TULP4: variants seen among roughly 807,000 people sequenced by gnomAD.
TULP4 encodes the protein TUB like protein 4, also known as tubby-related protein 4.
Under a neutral mutation model 129.0 loss-of-function variants are expected in TULP4, and 16 were observed. The ratio of observed to expected loss-of-function variants is 0.12; its 90% CI spans 0.08 to 0.19. The LOEUF is 0.19. Ranked by LOEUF, TULP4 falls within the 10% of genes least tolerant of loss-of-function variation. The pLI is 1.00. For synonymous variants in TULP4, 998 were observed against 854.0 expected (o/e 1.17, Z -2.94); for missense variants, 1,842 against 2,059.1 (o/e 0.89, Z 2.04).
At chr6:158,447,199 T>C (rs705954) in intron 3 of TULP4, among the ~76,000 whole-genome samples, 94,949 of 152,086 alleles carry the variant, frequency 0.62, 30,427 homozygotes, top group African/African-American at 0.77. Flanking sequence ...TCTTCCAGGA[T>C]TTCAGCAGGT....
chr6:158,470,519 CTAAT>C, intron 6 of TULP4, among the ~76,000 whole-genome samples: 2 of 152,316 alleles, frequency 1.3e-5, no homozygotes. Context: ...AATGAGCTCT[CTAAT>C]TGGTTGGGTG....
Position 158,511,089 on chromosome 6 carries a change from G to A in TULP4, c.*4395G>A, listed in dbSNP as rs1780729794. On this transcript the variant is annotated 3_prime_UTR_variant, in exon 14 of 14. Coordinates refer to ENST00000367097, the MANE Select transcript of TULP4 (RefSeq NM_020245.5). ...GCTGATAAAACTCTAATGGGTTGTG[G>A]CTTACTTTGTTTCCATTTTCTTTGG... 6.6e-6 allele frequency: 1 copy of A among 152,558 alleles called. No individual in the cohort carries two copies. The allele number at this position is 152,558 out of a possible 1,614,324, so 9.5% of individuals were successfully genotyped here.
intron 8 of TULP4, among the ~76,000 whole-genome samples, chr6:158,486,873 G>T (rs1023856189): frequency 6.6e-6 from 1 of 152,172 alleles, no homozygotes; most frequent in African/African-American, 2.4e-5. Flanking sequence ...CACTTTGGGA[G>T]GCCAAGGCGG....
intron 6 of TULP4, among the ~76,000 whole-genome samples, chr6:158,468,773 G>GGCGCTGA (rs1779609511): frequency 6.6e-6 from 1 of 152,180 alleles, no homozygotes; most frequent in African/African-American, 2.4e-5. Flanking sequence ...CCAAGATCCA[G>GGCGCTGA]GCACTGATAG....
chr6:158,293,528 T>A (rs946261486), intron 1 of TULP4, among the ~76,000 whole-genome samples: 1 of 152,204 alleles, frequency 6.6e-6, no homozygotes, highest in Non-Finnish European at 1.5e-5. Flanking sequence ...ATTAATTAAA[T>A]AAAAAATTAC....
At chr6:158,320,797 A>G (rs951933775) in intron 1 of TULP4, among the ~76,000 whole-genome samples, 1 of 152,144 alleles carries the variant, frequency 6.6e-6, no homozygotes, top group African/African-American at 2.4e-5. Context: ...TCGTTTTGTT[A>G]TAAGGACACG....
In TULP4 at chr6:158,344,060, A is replaced by G. The variant is rs529831176; in HGVS notation, c.252+29792A>G. 2.6e-5 allele frequency among the ~76,000 whole-genome samples: 4 copies of G among 152,200 alleles called. No individual in the cohort carries two copies. In the East Asian group the frequency reaches 7.7e-4, roughly 29 times the overall value. Reference sequence around the variant, plus strand: ...CCCTAACTGATCAATGTACTTTGTAATCTCCCCCACCCTTAAGAAGTTTCT... The same window carrying G: ...CCCTAACTGATCAATGTACTTTGTAGTCTCCCCCACCCTTAAGAAGTTTCT... On this transcript the variant is annotated intron_variant, in intron 1 of 13. Transcript: ENST00000367097.
chr6:158,291,220 T>A (rs1562507752), intron 1 of TULP4, among the ~76,000 whole-genome samples: 1 of 152,234 alleles, frequency 6.6e-6, no homozygotes, highest in Non-Finnish European at 1.5e-5. Context: ...GAATATTGTT[T>A]AGATGTTATA....
chr6:158,408,516 C>T (rs1055204461), intron 1 of TULP4, among the ~76,000 whole-genome samples: 2 of 152,116 alleles, frequency 1.3e-5, no homozygotes, highest in African/African-American at 2.4e-5. Context: ...TGCCTGGCCC[C>T]GGTCTGAGGT....
At chr6:158,307,443 C>T (rs1448950566) in intron 1 of TULP4, among the ~76,000 whole-genome samples, 2 of 152,154 alleles carry the variant, frequency 1.3e-5, no homozygotes. Context: ...ATTTTTCATC[C>T]TTGGTTACAT....
chr6:158,463,756 A>T (rs1201675394), intron 6 of TULP4, among the ~76,000 whole-genome samples: 1 of 150,540 alleles, frequency 6.6e-6, no homozygotes, highest in Non-Finnish European at 1.5e-5. Flanking sequence ...AGAGGCAGGG[A>T]TACCAGATAT....
chr6:158,369,158 C>CA (rs1217269369), intron 1 of TULP4, among the ~76,000 whole-genome samples: 2 of 151,964 alleles, frequency 1.3e-5, no homozygotes, highest in Non-Finnish European at 2.9e-5. Flanking sequence ...TAATGTCTTA[C>CA]AGGGAATGTC....
At chr6:158,425,227 C>A (rs144599843) in intron 2 of TULP4, among the ~76,000 whole-genome samples, 4 of 133,520 alleles carry the variant, frequency 3.0e-5, no homozygotes, top group African/African-American at 1.1e-4. Context: ...AAATGACTGA[C>A]AACAGGCTGG....
At chr6:158,245,222 T>C (rs1746491577) in intron 1 of TULP4, among the ~76,000 whole-genome samples, 1 of 151,806 alleles carries the variant, frequency 6.6e-6, no homozygotes, top group Non-Finnish European at 1.5e-5. Flanking sequence ...CTTGAACTCC[T>C]GGGCTCAAGG....
Position 158,502,825 on chromosome 6 carries a change from C to G in TULP4, c.3162C>G (p.Ala1054=), listed in dbSNP as rs773576967. 1.9e-6 allele frequency: 3 copies of G among 1,612,800 alleles called. No homozygotes were observed. The highest frequency in any genetic ancestry group is 1.1e-5 in the South Asian group (1 of 91,052). The change falls in exon 13 of 14, where the codon GCC becomes GCG. Residue 1054 remains alanine (A), a synonymous_variant. Coordinates refer to ENST00000367097, the MANE Select transcript of TULP4 (RefSeq NM_020245.5). ...GCTCACAGCCCGGAGCCTCCCTGGC[C>G]CATACCGCCAGCGCCTCCCCGTTGG... ...GPSSQPGASL[A]HTASASPLAS... is the part of the protein sequence containing the mutation.
At position 158,505,803 on chromosome 6, in the gene TULP4, C is replaced by G. The variant is rs374712613; in HGVS notation, c.4516-775C>G. On this transcript the variant is annotated intron_variant, in intron 13 of 13. Coordinates refer to ENST00000367097, the MANE Select transcript of TULP4 (RefSeq NM_020245.5). ...GTGTTTCTTTCTGCTTTTCTTTCTC[C>G]TTTCTACTTCCTAGGTGAAGAAACC... Among the ~76,000 whole-genome samples the G allele has an allele frequency of 2.6e-4, 40 of 152,138 alleles. 2 individuals are homozygous for G. The highest frequency in any genetic ancestry group is 9.4e-4 in the African/African-American group (39 of 41,492).
intron 2 of TULP4, among the ~76,000 whole-genome samples, chr6:158,427,526 G>A (rs779883188): frequency 2.9e-4 from 30 of 103,938 alleles, no homozygotes; most frequent in Non-Finnish European, 5.1e-4. Flanking sequence ...ACGGAGTCTC[G>A]CTCTGTCGCC....
At chr6:158,384,084 C>T (rs562912414) in intron 1 of TULP4, among the ~76,000 whole-genome samples, 5 of 152,156 alleles carry the variant, frequency 3.3e-5, no homozygotes, top group Non-Finnish European at 7.3e-5. Flanking sequence ...ATTAGTGAAG[C>T]TCTGTGAGCT....
Position 158,239,402 on chromosome 6 carries a change from G to C in TULP4, n.68+7099G>C, listed in dbSNP as rs1463813639. Reference sequence around the variant, plus strand: ...TCCCTCCCGGACGGGGCGGCTGGCCGGGCGGGGGGCTGACCCCCCCACCTC... The same window carrying C: ...TCCCTCCCGGACGGGGCGGCTGGCCCGGCGGGGGGCTGACCCCCCCACCTC... On this transcript the variant is annotated intron_variant and non_coding_transcript_variant, in intron 1 of 1. Coordinates refer to the TULP4 transcript ENST00000620026. Among the ~76,000 whole-genome samples the C allele has an allele frequency of 5.2e-3, 354 of 68,426 alleles. 17 individuals are homozygous for C. The highest frequency in any genetic ancestry group is 0.01 in the Non-Finnish European group (298 of 28,962). The allele number at this position is 68,426 out of a possible 152,430, so 44.9% of individuals were successfully genotyped here.
Sources: allele counts gnomAD v4.1 joint callset (sites outside exome capture counted in the v4.1 genomes callset), GRCh38; gene constraint gnomAD v4.1.1; transcripts MANE v1.5; gene names NCBI Gene and HGNC (gene_info 2026-07-23, HGNC 2026-07-21).